Variants in ACOT7 observed in about 807,000 individuals in gnomAD.
The protein encoded by ACOT7 is cytosolic acyl coenzyme A thioester hydrolase.
Under a neutral mutation model 40.2 loss-of-function variants are expected in ACOT7, and 12 were observed. The observed-to-expected ratio is 0.30, with a 90% CI of 0.19 to 0.48. ACOT7 has a LOEUF of 0.48. ACOT7 is among the 20% of genes least tolerant of loss of function. The pLI is 0.99. For missense variants in ACOT7, 395 were observed against 530.8 expected (o/e 0.74, Z 2.51); for synonymous variants, 228 against 219.5 (o/e 1.04, Z -0.34).
Position 6,275,945 on chromosome 1 carries a change from T to C in ACOT7, c.1014+5157A>G, listed in dbSNP as rs1639176046. On this transcript the variant is annotated intron_variant, in intron 8 of 8. Transcript: ENST00000361521. The surrounding 1 kb of genome is among the most constrained non-coding windows in gnomAD (Gnocchi z 5.6). ...TGCCCTGCATAATGTGGTTGCACAG[T>C]TGGAGCCTCGGCTAATCTGGGGACA... Among the ~76,000 whole-genome samples, 2 of 152,114 alleles carry C rather than the reference T, an allele frequency of 1.3e-5. No individual in the cohort carries two copies. The highest frequency in any genetic ancestry group is 2.9e-5 in the Non-Finnish European group (2 of 68,016).
intron 4 of ACOT7, among the ~76,000 whole-genome samples, chr1:6,327,747 A>G (rs1302462239): frequency 6.6e-6 from 1 of 152,104 alleles, no homozygotes; most frequent in East Asian, 1.9e-4. Context: ...CTATGTGGGC[A>G]CTTAGCTTGT....
At chr1:6,312,615 C>A (rs917047733) in intron 6 of ACOT7, among the ~76,000 whole-genome samples, 3 of 152,066 alleles carry the variant, frequency 2.0e-5, no homozygotes, top group Non-Finnish European at 4.4e-5. Context: ...TTACAGGCAC[C>A]CGCCATCATA....
At chr1:6,285,599 C>T (rs1639479925) in intron 7 of ACOT7, among the ~76,000 whole-genome samples, 1 of 152,248 alleles carries the variant, frequency 6.6e-6, no homozygotes, top group Non-Finnish European at 1.5e-5. Context: ...CATGACCATG[C>T]CCACAGGTCC....
intron 1 of ACOT7, chr1:6,385,681 G>A: frequency 6.2e-7 from 1 of 1,608,766 alleles, no homozygotes; most frequent in Non-Finnish European, 8.5e-7. Flanking sequence ...CGGTAAGTGG[G>A]CAAACTGTTT....
At position 6,301,512 on chromosome 1, in the gene ACOT7, C is replaced by T. The variant is rs1557639642; in HGVS notation, c.713-6532G>A. 6.6e-6 allele frequency among the ~76,000 whole-genome samples: 1 copy of T among 152,230 alleles called. No homozygotes were observed. The highest frequency in any genetic ancestry group is 1.5e-5 in the Non-Finnish European group (1 of 68,042). The stretch of plus-strand genomic sequence containing the variant: ...CACACGGCACCCCCAGACCACACTG[C>T]ATGATGTGACATGGACGCCTGCACT... On this transcript the variant is annotated intron_variant, in intron 6 of 8. Coordinates refer to ENST00000361521, the MANE Select transcript of ACOT7 (RefSeq NM_007274.4). The surrounding 1 kb of genome is among the most constrained non-coding windows in gnomAD (Gnocchi z 4.1).
intron 7 of ACOT7, chr1:6,283,021 GC>G: frequency 2.4e-6 from 1 of 421,184 alleles, no homozygotes; most frequent in South Asian, 1.7e-5. Flanking sequence ...GCAGGAACAA[GC>G]CCTTTCCATG....
intron 8 of ACOT7, among the ~76,000 whole-genome samples, chr1:6,270,165 A>G (rs970040466): frequency 2.6e-5 from 4 of 152,234 alleles, no homozygotes; most frequent in African/African-American, 9.6e-5. Flanking sequence ...CTGGGTGAGA[A>G]GCTGACAGAG....
In ACOT7 at chr1:6,356,789, G is replaced by A. The variant is rs1468434172; in HGVS notation, c.144-6923C>T. Among the ~76,000 whole-genome samples, 10 of 152,068 alleles carry A rather than the reference G, an allele frequency of 6.6e-5. 1 individual carries two copies. The highest frequency in any genetic ancestry group is 6.6e-4 in the Admixed American group (10 of 15,264). On this transcript the variant is annotated intron_variant, in intron 1 of 8. Transcript: ENST00000361521. Reference sequence around the variant, plus strand: ...AAAAAAATAGCTGGGCGTGGTGGCAGGCTCCTATAATCCCAGCTACTTGGG... The same window carrying A: ...AAAAAAATAGCTGGGCGTGGTGGCAAGCTCCTATAATCCCAGCTACTTGGG...
At chr1:6,392,417 C>A (rs1490459873) in intron 1 of ACOT7, among the ~76,000 whole-genome samples, 1 of 152,206 alleles carries the variant, frequency 6.6e-6, no homozygotes, top group Non-Finnish European at 1.5e-5. Flanking sequence ...TCCGATTCTG[C>A]CGAAGAGAAC....
intron 5 of ACOT7, among the ~76,000 whole-genome samples, chr1:6,322,384 T>C (rs527405106): frequency 1.3e-3 from 201 of 152,326 alleles, no homozygotes; most frequent in Non-Finnish European, 2.3e-3. Flanking sequence ...GAAACTCACA[T>C]GGCAGCTAAC....
Position 6,360,341 on chromosome 1 carries a change from CCT to C in ACOT7, c.144-10477_144-10476del, listed in dbSNP as rs982886042. Reference sequence around the variant, plus strand: ...CAGCTAACCCTGGCTGAAAATGCCCCCTGAGCCCTCCCCACCCAGGCAGCCTG... The same window carrying C: ...CAGCTAACCCTGGCTGAAAATGCCCCGAGCCCTCCCCACCCAGGCAGCCTG... On this transcript the variant is annotated intron_variant, in intron 1 of 8. Transcript: ENST00000361521. 1.8e-4 allele frequency among the ~76,000 whole-genome samples: 27 copies of C among 152,350 alleles called. No individual in the cohort carries two copies. In the East Asian group the frequency reaches 4.3e-3, roughly 24 times the overall value.
chr1:6,303,428 TTTTTTG>T (rs1403481357), intron 6 of ACOT7, among the ~76,000 whole-genome samples: 7 of 152,170 alleles, frequency 4.6e-5, no homozygotes, highest in Admixed American at 2.0e-4. Flanking sequence ...TGTTTTGTGT[TTTTTTG>T]TTTTTAAGTA....
rs748612683 is a variant in ACOT7, at chr1:6,352,594, C to CT, written c.144-2729dup. 0.067 allele frequency among the ~76,000 whole-genome samples: 9,666 copies of CT among 143,516 alleles called. 702 individuals are homozygous for CT. Among genetic ancestry groups the CT allele is most frequent in the African/African-American group, 0.18 (7,060 of 39,174 alleles). 94.2% of individuals were successfully genotyped at this position (143,516 alleles called of 152,430 possible). On this transcript the variant is annotated intron_variant, in intron 1 of 8. Transcript: ENST00000361521. This position sits in a 1 kb window ranked among gnomAD's most constrained non-coding sequence, Gnocchi z 4.5. ...CACTGGAGACTTCGTTTTCCCATTT[C>CT]TTTTTTTTTTTTTTTGAGACGGCGT...
At chr1:6,351,303 G>A (rs939860495) in intron 1 of ACOT7, among the ~76,000 whole-genome samples, 1 of 152,256 alleles carries the variant, frequency 6.6e-6, no homozygotes, top group African/African-American at 2.4e-5. Flanking sequence ...AGTTGCCTGT[G>A]GAGCGGCCGG....
intron 1 of ACOT7, among the ~76,000 whole-genome samples, chr1:6,387,139 A>C (rs1298036887): frequency 1.3e-5 from 2 of 152,166 alleles, no homozygotes; most frequent in African/African-American, 2.4e-5. Flanking sequence ...GAAGAGGCAC[A>C]GCGAGTGAGT....
chr1:6,388,758 G>T (rs921936105), intron 1 of ACOT7, among the ~76,000 whole-genome samples: 1 of 136,868 alleles, frequency 7.3e-6, no homozygotes, highest in South Asian at 2.3e-4. Context: ...AAAAAAAAAG[G>T]CCGGGTGCGG....
At chr1:6,390,568 T>C (rs751250203) in intron 1 of ACOT7, among the ~76,000 whole-genome samples, 11 of 151,496 alleles carry the variant, frequency 7.3e-5, no homozygotes, top group Non-Finnish European at 1.2e-4. Flanking sequence ...TGAGACTCCA[T>C]CTCCAAAAAA....
chr1:6,266,492 C>T (rs1235109677), intron 8 of ACOT7, among the ~76,000 whole-genome samples: 1 of 152,276 alleles, frequency 6.6e-6, no homozygotes, highest in African/African-American at 2.4e-5. Flanking sequence ...TCCAGTGGGT[C>T]TGGGAGCTGA....
Position 6,272,442 on chromosome 1 carries a change from A to G in ACOT7, c.1015-7747T>C, listed in dbSNP as rs77286170. On this transcript the variant is annotated intron_variant, in intron 8 of 8. Coordinates refer to ENST00000361521, the MANE Select transcript of ACOT7 (RefSeq NM_007274.4). ...AGCCTGCAACAGTGACAAAGATGAG[A>G]TGAGAGTGTCCAGCACACCTAGGCT... Among the ~76,000 whole-genome samples the G allele has an allele frequency of 8.4e-3, 1,281 of 152,254 alleles. 18 individuals carry two copies. The highest frequency in any genetic ancestry group is 0.029 in the African/African-American group (1,205 of 41,542).
Sources: allele counts gnomAD v4.1 joint callset (sites outside exome capture counted in the v4.1 genomes callset), GRCh38; gene constraint gnomAD v4.1.1; non-coding constraint Gnocchi (gnomAD v3.1); transcripts MANE v1.5; gene names NCBI Gene and HGNC (gene_info 2026-07-23, HGNC 2026-07-21).